CYP2W1: variants seen among roughly 807,000 people sequenced by gnomAD.
CYP2W1 encodes the protein cytochrome P450 2W1.
In CYP2W1, 51 loss-of-function variants were observed where a neutral mutation model predicts 44.9. That is an observed-to-expected ratio of 1.14 (90% CI 0.91 to 1.43). The LOEUF (loss-of-function observed/expected upper bound fraction) is 1.43. CYP2W1 is among the 40% of genes most tolerant of loss of function. The pLI, the probability that CYP2W1 is intolerant of heterozygous loss-of-function variation, is 0.00. For missense variants in CYP2W1, 746 were observed against 700.0 expected, an observed-to-expected ratio of 1.07 and a Z score of -0.74; for synonymous variants, 383 against 338.3, an observed-to-expected ratio of 1.13 and a Z score of -1.45.
At chr7:984,809 C>T in intron 2 of CYP2W1, 141 bp from the exon 3 acceptor site, 1 of 1,280,090 alleles carries the variant, frequency 7.8e-7, no homozygotes, top group Non-Finnish European at 1.1e-6. Context: ...CAGGGCCAGC[C>T]CAGGGGGACG....
intron 4 of CYP2W1, 55 bp from the exon 5 acceptor site, chr7:986,569 A>T: frequency 6.3e-7 from 1 of 1,590,766 alleles, no homozygotes; most frequent in African/African-American, 1.3e-5. Context: ...CCGCCTGCCC[A>T]GCGTGCAGCC....
At position 987,376 on chromosome 7, in the gene CYP2W1, C is replaced by T. The variant is rs760784943; in HGVS notation, c.988C>T (p.Leu330=). ...GRVQEELDRV[L]GPGRTPRLED... ...GGTGCAGGAGGAGCTAGACCGCGTGCTGGGCCCTGGGCGGACTCCCCGGCT... is the reference window on the plus strand; with the variant it reads ...GGTGCAGGAGGAGCTAGACCGCGTGTTGGGCCCTGGGCGGACTCCCCGGCT... The change falls in exon 7 of 9, where the codon CTG becomes TTG. Residue 330 remains leucine (L), a synonymous_variant. Transcript: ENST00000308919. 2 of 1,593,254 alleles carry T rather than the reference C, an allele frequency of 1.3e-6. No individual in the cohort carries two copies. The highest frequency in any genetic ancestry group is 1.7e-5 in the Admixed American group (1 of 59,478).
chr7:983,325 G>A lies in CYP2W1; in HGVS notation c.114G>A (p.Leu38=). The A allele has an allele frequency of 6.5e-7, 1 of 1,539,424 alleles. No individual in the cohort carries two copies. Among genetic ancestry groups the A allele is most frequent in the Non-Finnish European group, 8.7e-7 (1 of 1,144,616 alleles). ...GGTGGCCCCCGGGGCCTCGCCCGCT[G>A]CCGCTCGTCGGGAACCTGCACTTGC... ...AARWPPGPRP[L]PLVGNLHLLR... The change falls in exon 1 of 9, where the codon CTG becomes CTA. Residue 38 remains leucine, a synonymous_variant. Transcript: ENST00000308919.
In CYP2W1 at chr7:988,630, C is replaced by T. The variant is rs185959965; in HGVS notation, c.1286-5C>T. Reference sequence around the variant, plus strand: ...GCCCACTCTGTGCCTGGACATCCCCCGCAGGCCGCCGCGTCTGTGTTGGGG... The same window carrying T: ...GCCCACTCTGTGCCTGGACATCCCCTGCAGGCCGCCGCGTCTGTGTTGGGG... On this transcript the variant is annotated splice_polypyrimidine_tract_variant and splice_region_variant and intron_variant, in intron 8 of 8. Coordinates refer to ENST00000308919, the MANE Select transcript of CYP2W1 (RefSeq NM_017781.3). 1,169 of 1,602,978 alleles carry T rather than the reference C, an allele frequency of 7.3e-4. No homozygotes were observed. Among genetic ancestry groups the T allele is most frequent in the Non-Finnish European group, 9.3e-4 (1,102 of 1,179,188 alleles).
In CYP2W1 at chr7:985,170, G is replaced by A. The variant is rs1848235092; in HGVS notation, c.492G>A (p.Arg164=). The change falls in exon 4 of 9, where the codon CGG becomes CGA. Residue 164 remains arginine (R), a synonymous_variant. Transcript: ENST00000308919. ...LSGQLDGYRG[R]PFPLALLGWA... ...TGAGGCCCGTCTCCCTCGCAGGCCG[G>A]CCCTTCCCGCTGGCCCTACTGGGCT... The A allele has an allele frequency of 1.9e-6, 3 of 1,580,468 alleles. No individual in the cohort carries two copies. Among genetic ancestry groups the A allele is most frequent in the Non-Finnish European group, 2.6e-6 (3 of 1,163,678 alleles).
rs781305530 is a variant in CYP2W1 at position 987,186 on chromosome 7, C to T, written c.899C>T (p.Thr300Met). 5.1e-6 allele frequency: 8 copies of T among 1,556,888 alleles called. No individual in the cohort carries two copies. The highest frequency in any genetic ancestry group is 2.4e-5 in the East Asian group (1 of 41,364). ...GACATGGTCATGGCCGGGACGGAGA[C>T]GACCTCGGCCACGCTGCAGTGGGCC... The part of the protein sequence containing the change: ...TLDMVMAGTE[T>M]TSATLQWAAL... Residue 300 changes from threonine to methionine, a missense_variant, in exon 6 of 9, where the codon ACG (threonine) becomes ATG (methionine). Transcript: ENST00000308919.
chr7:985,849 A>T (rs1436630493), intron 4 of CYP2W1, among the ~76,000 whole-genome samples: 1 of 152,186 alleles, frequency 6.6e-6, no homozygotes, highest in Non-Finnish European at 1.5e-5. Flanking sequence ...TCACGGCTGG[A>T]CCCAGAGACC....
At chr7:984,311 C>T in intron 1 of CYP2W1, 101 bp from the exon 2 acceptor site, 1 of 1,444,028 alleles carries the variant, frequency 6.9e-7, no homozygotes, top group Admixed American at 2.5e-5. Context: ...CCCCATTTTC[C>T]CTCTGTCCCC....
intron 1 of CYP2W1, 94 bp from the exon 2 acceptor site, chr7:984,318 C>T: frequency 6.8e-7 from 1 of 1,467,896 alleles, no homozygotes; most frequent in Non-Finnish European, 9.0e-7. Flanking sequence ...TTCCCTCTGT[C>T]CCCACCCCTA....
Position 984,398 on chromosome 7 carries a change from G to T in CYP2W1, c.175-14G>T. 6.5e-7 allele frequency: 1 copy of T among 1,544,944 alleles called. No individual in the cohort carries two copies. ...GGTGAGGGCTGCCCGGGTGACCCCC[G>T]CCATCCCTGCCAGCTCTCAGAACGC... On this transcript the variant is annotated splice_polypyrimidine_tract_variant and intron_variant, in intron 1 of 8. Transcript: ENST00000308919.
In CYP2W1 at chr7:987,247, T is replaced by C; in HGVS notation, c.958+2T>C. On this transcript the variant is annotated splice_donor_variant, in intron 6 of 8. Transcript: ENST00000308919. LOFTEE classifies it high-confidence loss of function. ...TGGGCCGGCACCCGGACGTGCAGGG[T>C]GAGACCCCGGCGCCTGGCGAGACGG... 6.6e-7 allele frequency: 1 copy of C among 1,518,576 alleles called. No homozygotes were observed. Among genetic ancestry groups the C allele is most frequent in the East Asian group, 2.5e-5 (1 of 40,412 alleles). The allele number at this position is 1,518,576 out of a possible 1,614,324, so 94.1% of individuals were successfully genotyped here.
intron 1 of CYP2W1, among the ~76,000 whole-genome samples, chr7:983,849 G>A (rs2128121588): frequency 6.6e-6 from 1 of 152,376 alleles, no homozygotes; most frequent in Middle Eastern, 3.4e-3. Context: ...GGGCAGGGAT[G>A]CTGAGGACAG....
intron 2 of CYP2W1, 147 bp from the exon 3 acceptor site, chr7:984,803 G>A: frequency 1.6e-6 from 2 of 1,253,794 alleles, no homozygotes; most frequent in Non-Finnish European, 2.2e-6. Context: ...AGGGGCCAGG[G>A]CCAGCCCAGG....
At chr7:984,716 T>G in intron 2 of CYP2W1, 142 bp downstream of exon 2, 1 of 1,282,812 alleles carries the variant, frequency 7.8e-7, no homozygotes, top group Non-Finnish European at 1.1e-6. Flanking sequence ...GGGCTGGTGC[T>G]GAGAAGGGCC....
chr7:984,375 T>A, intron 1 of CYP2W1, 37 bp from the exon 2 acceptor site: 1 of 1,536,480 alleles, frequency 6.5e-7, no homozygotes, highest in African/African-American at 1.4e-5. Flanking sequence ...GTCTTGTGGG[T>A]GAGGGCTGCC....
chr7:984,932 C>T lies in CYP2W1; in HGVS notation c.338-18C>T. 6.3e-7 allele frequency: 1 copy of T among 1,579,428 alleles called. No individual in the cohort carries two copies. The highest frequency in any genetic ancestry group is 2.2e-5 in the East Asian group (1 of 44,566). On this transcript the variant is annotated intron_variant, in intron 2 of 8. Transcript: ENST00000308919. ...GGGGTGGGAACCTGGGCTCACCACG[C>T]ACTGTATCTGCCTACAGGCATCTTC...
At position 983,344 on chromosome 7, in the gene CYP2W1, C is replaced by T. The variant is rs1222271122; in HGVS notation, c.133C>T (p.His45Tyr). ...PRPLPLVGNL[H>Y]LLRLSQQDRS... ...CCCGCTGCCGCTCGTCGGGAACCTG[C>T]ACTTGCTGCGTCTGTCGCAACAGGA... The change falls in exon 1 of 9, where the codon CAC becomes TAC. Residue 45 changes from histidine (H) to tyrosine (Y), a missense_variant. Physicochemically the swap from His to Tyr is moderately conservative, Grantham distance 83 (BLOSUM62 2). Coordinates refer to ENST00000308919, the MANE Select transcript of CYP2W1 (RefSeq NM_017781.3). 2 of 1,537,946 alleles carry T rather than the reference C, an allele frequency of 1.3e-6. No homozygotes were observed. Among genetic ancestry groups the T allele is most frequent in the Non-Finnish European group, 8.7e-7 (1 of 1,144,492 alleles).
intron 5 of CYP2W1, 86 bp downstream of exon 5, chr7:986,883 C>A: frequency 7.1e-7 from 1 of 1,400,706 alleles, no homozygotes; most frequent in Non-Finnish European, 9.4e-7. Flanking sequence ...GGGGTCCATA[C>A]CGGTCCTGCA....
rs1392335316 is a variant in CYP2W1, at chr7:988,788, G to A, written c.1439G>A (p.Arg480Lys). The part of the protein sequence containing the change: ...TPARAFTMRP[R>K]AQALCAVPRP ...GCCCGGGCTTTTACCATGAGGCCGA[G>A]GGCCCAGGCCCTGTGTGCGGTGCCC... Residue 480 changes from arginine to lysine, a missense_variant, in exon 9 of 9, where the codon AGG (arginine) becomes AAG (lysine). By Grantham distance (26) the Arg-to-Lys change is conservative. Transcript: ENST00000308919. The A allele has an allele frequency of 6.3e-7, 1 of 1,595,154 alleles. No homozygotes were observed. The highest frequency in any genetic ancestry group is 8.5e-7 in the Non-Finnish European group (1 of 1,177,682).
Sources: allele counts gnomAD v4.1 joint callset (sites outside exome capture counted in the v4.1 genomes callset), GRCh38; gene constraint gnomAD v4.1.1; transcripts MANE v1.5; gene names NCBI Gene and HGNC (gene_info 2026-07-23, HGNC 2026-07-21).